IFITM10: variants seen among roughly 807,000 people sequenced by gnomAD.
IFITM10 encodes interferon-induced transmembrane protein 10.
A neutral mutation model predicts 19.0 loss-of-function variants in IFITM10; 17 were observed. That is an observed-to-expected ratio of 0.90 (90% confidence interval 0.61 to 1.34). The LOEUF (loss-of-function observed/expected upper bound fraction) is 1.34, where lower values mean the gene tolerates loss of function less well. Ranked by LOEUF, IFITM10 falls within the 40% of genes most tolerant of loss-of-function variation. The pLI is 0.00. For missense variants in IFITM10, 306 were observed against 319.8 expected, an observed-to-expected ratio of 0.96 and a Z score of 0.33; for synonymous variants, 148 against 147.2, an observed-to-expected ratio of 1.01 and a Z score of -0.04.
chr11:1,732,895 T>G lies in IFITM10; in HGVS notation c.*2385A>C, dbSNP rs1047987000. On this transcript the variant is annotated 3_prime_UTR_variant, in exon 3 of 3. Transcript: ENST00000340134. ...CAGGGGTGTTTCCTCCTGGCCCCTG[T>G]CCCAGGCAGCCACCAGCACTGCCAC... is the stretch of plus-strand genomic sequence containing the variant. 1 of 152,170 alleles carries G rather than the reference T, an allele frequency of 6.6e-6. No individual in the cohort carries two copies. The highest frequency in any genetic ancestry group is 1.5e-5 in the Non-Finnish European group (1 of 68,048). 9.4% of individuals were successfully genotyped at this position (152,170 alleles called of 1,614,324 possible).
intron 2 of IFITM10, among the ~76,000 whole-genome samples, chr11:1,736,198 G>C (rs1028121912): frequency 6.6e-6 from 1 of 152,192 alleles, no homozygotes; most frequent in African/African-American, 2.4e-5. Flanking sequence ...AGACAGGAAG[G>C]GGCAAAAAGT....
At chr11:1,744,149 T>C (rs1043378204) in intron 2 of IFITM10, among the ~76,000 whole-genome samples, 1 of 152,224 alleles carries the variant, frequency 6.6e-6, no homozygotes, top group African/African-American at 2.4e-5. Flanking sequence ...AAGTATTCCT[T>C]TTCTGAAACA....
chr11:1,750,538 G>A lies in IFITM10; in HGVS notation c.-96C>T. ...CCGCAACCCTCTTTCCTGTCTGGAA[G>A]GCCAGTCCTGCTTGGGGTCCTGTCT... On this transcript the variant is annotated 5_prime_UTR_variant, in exon 1 of 3. Coordinates refer to ENST00000340134, the MANE Select transcript of IFITM10 (RefSeq NM_001170820.4). 6.7e-7 allele frequency: 1 copy of A among 1,485,822 alleles called. No homozygotes were observed. Among genetic ancestry groups the A allele is most frequent in the South Asian group, 1.3e-5 (1 of 78,810 alleles). 92.0% of individuals were successfully genotyped at this position (1,485,822 alleles called of 1,614,324 possible). A position where few individuals can be genotyped will look rare whatever the true frequency, so the allele number is the denominator to read the frequency against.
chr11:1,738,412 G>A (rs185228589), intron 2 of IFITM10, among the ~76,000 whole-genome samples: 3 of 152,282 alleles, frequency 2.0e-5, no homozygotes, highest in Admixed American at 1.3e-4. Flanking sequence ...ACGTCGAACC[G>A]TCATAAGATG....
At chr11:1,736,156 A>G (rs1202807786) in intron 2 of IFITM10, among the ~76,000 whole-genome samples, 1 of 152,198 alleles carries the variant, frequency 6.6e-6, no homozygotes, top group East Asian at 1.9e-4. Flanking sequence ...AAGTTCTAGG[A>G]TGAGGAAGGG....
Position 1,747,734 on chromosome 11 carries a change from G to A in IFITM10, c.470C>T (p.Ser157Phe), listed in dbSNP as rs1266514449. 1 of 1,551,838 alleles carries A rather than the reference G, an allele frequency of 6.4e-7. No individual in the cohort carries two copies. Among genetic ancestry groups the A allele is most frequent in the South Asian group, 1.2e-5 (1 of 84,062 alleles). ...GTTGAGGTAGACGAAGTTGAAGATG[G>A]ACCACAGGTAATAGTCGTTCACCTC... Reference protein sequence around the residue: ...TTEVNDYYLWSIFNFVYLNFC... With the variant: ...TTEVNDYYLWFIFNFVYLNFC... The change falls in exon 2 of 3, where the codon TCC (serine) becomes TTC (phenylalanine). Residue 157 changes from serine to phenylalanine, a missense_variant. Transcript: ENST00000340134.
intron 1 of IFITM10, chr11:1,748,963 G>T: frequency 4.7e-6 from 4 of 859,732 alleles, no homozygotes; most frequent in Non-Finnish European, 5.7e-6. Flanking sequence ...AGGCTCTGCA[G>T]CCCCCAGCCC....
chr11:1,738,831 C>T (rs955143658), intron 2 of IFITM10, among the ~76,000 whole-genome samples: 7 of 151,778 alleles, frequency 4.6e-5, no homozygotes, highest in African/African-American at 7.3e-5. Context: ...GAGGCCGAGG[C>T]GGGTGGATCA....
At chr11:1,740,443 C>T (rs557611748) in intron 2 of IFITM10, among the ~76,000 whole-genome samples, 12 of 151,522 alleles carry the variant, frequency 7.9e-5, no homozygotes, top group African/African-American at 1.9e-4. Flanking sequence ...CCTGGACAGG[C>T]GTGGAAGGTG....
chr11:1,736,912 G>C (rs1358506644), intron 2 of IFITM10, among the ~76,000 whole-genome samples: 1 of 152,172 alleles, frequency 6.6e-6, no homozygotes, highest in East Asian at 1.9e-4. Context: ...AAATGGGCAA[G>C]TAGGTGACTT....
At chr11:1,742,957 T>C (rs1845587005) in intron 2 of IFITM10, among the ~76,000 whole-genome samples, 1 of 147,224 alleles carries the variant, frequency 6.8e-6, no homozygotes, top group Non-Finnish European at 1.5e-5. Flanking sequence ...GGATGGAGGA[T>C]GGACAGATGG....
At position 1,747,792 on chromosome 11, in the gene IFITM10, T is replaced by G. The variant is rs1845667827; in HGVS notation, c.412A>C (p.Thr138Pro). Residue 138 changes from threonine (T) to proline (P), a missense_variant, in exon 2 of 3, where the codon ACG becomes CCG. By Grantham distance (38) the Thr-to-Pro change is conservative. Transcript: ENST00000340134. ...LAEKKTMTNP[T>P]TVIEVYPDTT... ...TCCGGGTAGACCTCGATGACGGTCG[T>G]GGGGTTGGTCATCGTCTTCTTCTCG... 4 of 1,551,396 alleles carry G rather than the reference T, an allele frequency of 2.6e-6. No homozygotes were observed. Among genetic ancestry groups the G allele is most frequent in the Non-Finnish European group, 2.6e-6 (3 of 1,146,682 alleles).
intron 1 of IFITM10, chr11:1,748,414 A>C: frequency 1.7e-5 from 6 of 358,948 alleles, no homozygotes; most frequent in East Asian, 8.2e-5. Flanking sequence ...AAGCACACCA[A>C]CGCTGAGACT....
At position 1,735,390 on chromosome 11, in the gene IFITM10, C is replaced by G. The variant is rs775713210; in HGVS notation, c.577G>C (p.Val193Leu). ...KKLLNDLNGA[V>L]EDAKTARLFN... ...AGCCGGGCCGTCTTTGCATCCTCCA[C>G]GGCTCCATTCAGGTCATTGAGAAGC... is the stretch of plus-strand genomic sequence containing the variant. Residue 193 changes from valine (V) to leucine (L), a missense_variant, in exon 3 of 3, where the codon GTG (valine) becomes CTG (leucine). Coordinates refer to ENST00000340134, the MANE Select transcript of IFITM10 (RefSeq NM_001170820.4). The G allele has an allele frequency of 6.4e-7, 1 of 1,551,678 alleles. No individual in the cohort carries two copies. Among genetic ancestry groups the G allele is most frequent in the Non-Finnish European group, 8.7e-7 (1 of 1,146,964 alleles).
intron 2 of IFITM10, among the ~76,000 whole-genome samples, chr11:1,743,094 A>AT (rs1845590310): frequency 6.7e-6 from 1 of 150,266 alleles, no homozygotes. Context: ...GGATGGATGG[A>AT]GGATGGATGG....
At position 1,732,653 on chromosome 11, in the gene IFITM10, A is replaced by G. The variant is rs1007711375; in HGVS notation, c.*2627T>C. 1.3e-5 allele frequency: 2 copies of G among 152,168 alleles called. No homozygotes were observed. The highest frequency in any genetic ancestry group is 2.9e-5 in the Non-Finnish European group (2 of 68,066). 9.4% of individuals were successfully genotyped at this position (152,168 alleles called of 1,614,324 possible). ...GGGCCTGACCTCACCGTGGACACCC[A>G]CCGCGGGAGCACCAGCCCTCCCCCG... On this transcript the variant is annotated 3_prime_UTR_variant, in exon 3 of 3. Coordinates refer to ENST00000340134, the MANE Select transcript of IFITM10 (RefSeq NM_001170820.4).
At position 1,748,063 on chromosome 11, in the gene IFITM10, G is replaced by A. The variant is rs1475584311; in HGVS notation, c.141C>T (p.Asp47=). ...APLGDPASTT[D]GAQEARVPLD... ...GGGGGACTCGGGCTTCCTGGGCGCCGTCCGTGGTGCTGGCCGGGTCTCCCA... is the reference window on the plus strand; with the variant it reads ...GGGGGACTCGGGCTTCCTGGGCGCCATCCGTGGTGCTGGCCGGGTCTCCCA... Residue 47 remains aspartate (D), a synonymous_variant, in exon 2 of 3, where the codon GAC becomes GAT. Coordinates refer to ENST00000340134, the MANE Select transcript of IFITM10 (RefSeq NM_001170820.4). 1.4e-6 allele frequency: 2 copies of A among 1,419,144 alleles called. No individual in the cohort carries two copies. Among genetic ancestry groups the A allele is most frequent in the Non-Finnish European group, 1.8e-6 (2 of 1,092,726 alleles). The allele number at this position is 1,419,144 out of a possible 1,614,324, so 87.9% of individuals were successfully genotyped here.
At chr11:1,735,577 G>T in intron 2 of IFITM10, 148 bp from the exon 3 acceptor site, 1 of 775,576 alleles carries the variant, frequency 1.3e-6, no homozygotes, top group Non-Finnish European at 2.0e-6. Flanking sequence ...GATGGTTCTA[G>T]AGGAACATGT....
At chr11:1,745,306 A>T (rs1372494851) in intron 2 of IFITM10, 3 of 152,344 alleles carry the variant, frequency 2.0e-5, no homozygotes, top group African/African-American at 7.2e-5. Flanking sequence ...AGCCAGACCC[A>T]TGTCCGCAGG....
Sources: allele counts gnomAD v4.1 joint callset (sites outside exome capture counted in the v4.1 genomes callset), GRCh38; gene constraint gnomAD v4.1.1; transcripts MANE v1.5; gene names NCBI Gene and HGNC (gene_info 2026-07-23, HGNC 2026-07-21).